Variants in HAPLN2 observed in about 807,000 individuals in gnomAD.
HAPLN2 encodes brain link protein-1.
Under a neutral mutation model 29.3 loss-of-function variants are expected in HAPLN2, and 27 were observed. The observed-to-expected ratio is 0.92, with a 90% CI of 0.68 to 1.27. HAPLN2 has a LOEUF of 1.27. HAPLN2 is among the 50% of genes most tolerant of loss of function. The probability of loss-of-function intolerance (pLI) is 0.00; values close to 1 mark genes in which losing one functional copy is unlikely to be tolerated. For missense variants in HAPLN2, 454 were observed against 484.3 expected (o/e 0.94, Z 0.59); for synonymous variants, 208 against 211.7 (o/e 0.98, Z 0.15).
intron 2 of HAPLN2, among the ~76,000 whole-genome samples, chr1:156,622,952 T>C (rs998003191): frequency 1.3e-5 from 2 of 151,170 alleles, no homozygotes; most frequent in Non-Finnish European, 2.9e-5. Flanking sequence ...GAGGATCACC[T>C]GGAGCTGGAA....
At chr1:156,624,547 T>A in intron 5 of HAPLN2, 54 bp from the exon 6 acceptor site, 5 of 1,603,100 alleles carry the variant, frequency 3.1e-6, no homozygotes, top group Non-Finnish European at 4.3e-6. Context: ...GCGAGCTCAG[T>A]CTGGCTCCTG....
the HAPLN2 span, chr1:156,601,554 A>G: frequency 2.4e-6 from 3 of 1,273,422 alleles, no homozygotes; most frequent in South Asian, 1.3e-5. Context: ...TTTCCAGGAG[A>G]AACCATTGCG....
In HAPLN2 at chr1:156,625,248, C is replaced by T; in HGVS notation, c.887C>T (p.Ala296Val). ...GACCAGTGCGACGGCGGCTGGCTGG[C>T]TGACGGCAGTGTGCGCTTCCCAATC... ...GLDQCDGGWL[A>V]DGSVRFPITT... Residue 296 changes from alanine (A) to valine (V), a missense_variant, in exon 7 of 7, where the codon GCT (alanine) becomes GTT (valine). Around this residue, in one of 3 missense-constraint regions of HAPLN2, gnomAD observed 235 missense variants for 236.9 expected, o/e 0.99. Transcript: ENST00000255039. The surrounding 1 kb of genome is among the most constrained non-coding windows in gnomAD (Gnocchi z 5.7). 1.3e-6 allele frequency: 2 copies of T among 1,573,736 alleles called. No individual in the cohort carries two copies. The highest frequency in any genetic ancestry group is 1.7e-6 in the Non-Finnish European group (2 of 1,160,784).
chr1:156,620,674 T>C (rs4661054), intron 2 of HAPLN2, among the ~76,000 whole-genome samples: 13 of 152,232 alleles, frequency 8.5e-5, no homozygotes, highest in South Asian at 2.1e-4. Flanking sequence ...GGTCCTCATT[T>C]GCAGAAAGAT....
intron 2 of HAPLN2, among the ~76,000 whole-genome samples, chr1:156,622,624 T>C (rs1024214715): frequency 4.6e-5 from 7 of 152,014 alleles, no homozygotes; most frequent in African/African-American, 1.7e-4. Flanking sequence ...AAATCCAGCA[T>C]GTCAGGGGAA....
the HAPLN2 span, among the ~76,000 whole-genome samples, chr1:156,601,925 T>C: frequency 6.6e-6 from 1 of 151,554 alleles, no homozygotes; most frequent in Non-Finnish European, 1.5e-5. Context: ...TCTCAATAGG[T>C]TCATCAAGCA....
chr1:156,623,544 C>A lies in HAPLN2; in HGVS notation c.54C>A (p.Phe18Leu). Residue 18 changes from phenylalanine (F) to leucine (L), a missense_variant, in exon 3 of 7, where the codon TTC becomes TTA. By Grantham distance (22) the Phe-to-Leu change is conservative (BLOSUM62 0). Around this residue, in one of 3 missense-constraint regions of HAPLN2, gnomAD observed 204 missense variants for 209.2 expected, o/e 0.98. Coordinates refer to ENST00000255039, the MANE Select transcript of HAPLN2 (RefSeq NM_021817.3). ...PTLCRFLLWA[F>L]TIFHKAQGDP... Reference sequence around the variant, plus strand: ...TCTGCCGCTTCCTTCTTTGGGCCTTCACCATCTTCCACAAAGCCCAAGGAG... The same window carrying A: ...TCTGCCGCTTCCTTCTTTGGGCCTTAACCATCTTCCACAAAGCCCAAGGAG... The A allele has an allele frequency of 6.2e-7, 1 of 1,614,166 alleles. No individual in the cohort carries two copies. The highest frequency in any genetic ancestry group is 8.5e-7 in the Non-Finnish European group (1 of 1,180,026).
At chr1:156,621,102 ATTTTT>A (rs10653107) in intron 2 of HAPLN2, among the ~76,000 whole-genome samples, 8 of 126,086 alleles carry the variant, frequency 6.3e-5, no homozygotes, top group Non-Finnish European at 3.2e-5. Flanking sequence ...AGAAGTCTTC[ATTTTT>A]TTTTTTTTTT....
chr1:156,604,266 A>G, the HAPLN2 span, among the ~76,000 whole-genome samples: 1 of 151,828 alleles, frequency 6.6e-6, no homozygotes, highest in East Asian at 1.9e-4. Context: ...ACTAATGTGT[A>G]GTCTTCAACA....
rs895049572 is a variant in HAPLN2 at position 156,624,889 on chromosome 1, A to G, written c.739+106A>G. On this transcript the variant is annotated intron_variant, in intron 6 of 6. Coordinates refer to ENST00000255039, the MANE Select transcript of HAPLN2 (RefSeq NM_021817.3). ...CAGGGCAGGGTCTCCGGGTCCCTCC[A>G]AGGCACCGCCCCCCCATCAGCCCGC... 81 of 1,333,702 alleles carry G rather than the reference A, an allele frequency of 6.1e-5. 1 individual carries two copies. Among genetic ancestry groups the G allele is most frequent in the Non-Finnish European group, 7.6e-5 (77 of 1,008,226 alleles). 82.6% of individuals were successfully genotyped at this position (1,333,702 alleles called of 1,614,324 possible). A position where few individuals can be genotyped will look rare whatever the true frequency, so the allele number is the denominator to read the frequency against.
Position 156,625,588 on chromosome 1 carries a change from A to T in HAPLN2, c.*204A>T. On this transcript the variant is annotated 3_prime_UTR_variant, in exon 7 of 7. Transcript: ENST00000255039. The surrounding 1 kb of genome is among the most constrained non-coding windows in gnomAD (Gnocchi z 5.7). ...GGAGGCGGGGGCGCCTCCGGCGGCG[A>T]GATGCAGAGGTGACCCTCGGACCCG... 1 of 533,526 alleles carries T rather than the reference A, an allele frequency of 1.9e-6. No homozygotes were observed. The highest frequency in any genetic ancestry group is 3.2e-6 in the Non-Finnish European group (1 of 315,746). The allele number at this position is 533,526 out of a possible 1,614,324, so 33.0% of individuals were successfully genotyped here.
chr1:156,612,235 G>C, the HAPLN2 span, among the ~76,000 whole-genome samples: 1 of 152,142 alleles, frequency 6.6e-6, no homozygotes, highest in Non-Finnish European at 1.5e-5. Flanking sequence ...TGTTGGCCAG[G>C]CTGGTCTTGA....
the HAPLN2 span, among the ~76,000 whole-genome samples, chr1:156,605,714 G>T: frequency 0.32 from 48,407 of 151,710 alleles, 8,129 homozygotes; most frequent in South Asian, 0.58. Flanking sequence ...CAAAGCTACA[G>T]ACTGTGGGGT....
chr1:156,612,487 C>T, the HAPLN2 span, among the ~76,000 whole-genome samples: 1 of 152,136 alleles, frequency 6.6e-6, no homozygotes, highest in Non-Finnish European at 1.5e-5. Flanking sequence ...CTCCTGGGTT[C>T]AAGCAATTCT....
chr1:156,623,836 C>A lies in HAPLN2; in HGVS notation c.115C>A (p.Pro39Thr). The A allele has an allele frequency of 6.5e-7, 1 of 1,537,992 alleles. No homozygotes were observed. ...ASHPGPHYLLPPIHEVIHSHR... is the reference protein window; with the variant it reads ...ASHPGPHYLLTPIHEVIHSHR... Reference sequence around the variant, plus strand: ...CCACCCGGGCCCCCACTACCTCCTGCCCCCCATCCACGAGGTCATTCACTC... The same window carrying A: ...CCACCCGGGCCCCCACTACCTCCTGACCCCCATCCACGAGGTCATTCACTC... Residue 39 changes from proline (P) to threonine (T), a missense_variant, in exon 4 of 7, where the codon CCC (proline) becomes ACC (threonine). Around this residue, in one of 3 missense-constraint regions of HAPLN2, gnomAD observed 204 missense variants for 209.2 expected, o/e 0.98. Coordinates refer to ENST00000255039, the MANE Select transcript of HAPLN2 (RefSeq NM_021817.3).
the HAPLN2 span, among the ~76,000 whole-genome samples, chr1:156,614,228 CTTTT>C: frequency 7.0e-6 from 1 of 143,654 alleles, no homozygotes; most frequent in Non-Finnish European, 1.5e-5. Context: ...TTGGGGTTCA[CTTTT>C]TTTTTTTTTT....
Position 156,623,472 on chromosome 1 carries a change from G to T in HAPLN2, c.-19G>T. ...CCACTCTTTGTGCCCTGCAGACGGT[G>T]CCGGGCTGACCCCCCATCATGCCAG... is the stretch of plus-strand genomic sequence containing the variant. On this transcript the variant is annotated 5_prime_UTR_variant, in exon 3 of 7. Coordinates refer to ENST00000255039, the MANE Select transcript of HAPLN2 (RefSeq NM_021817.3). 1.5e-5 allele frequency: 24 copies of T among 1,613,614 alleles called. No homozygotes were observed. The highest frequency in any genetic ancestry group is 1.9e-5 in the Non-Finnish European group (22 of 1,179,870).
the HAPLN2 span, among the ~76,000 whole-genome samples, chr1:156,606,646 C>A: frequency 1.3e-5 from 2 of 151,782 alleles, no homozygotes; most frequent in Admixed American, 6.6e-5. Context: ...CCATACCTGG[C>A]TAATTTTTGT....
chr1:156,608,527 TCTTTCTTCCTTC>T, the HAPLN2 span, among the ~76,000 whole-genome samples: 4 of 151,826 alleles, frequency 2.6e-5, no homozygotes, highest in Admixed American at 1.3e-4. Flanking sequence ...TTCTTTCCTT[TCTTTCTTCCTTC>T]CTTTCCTTAC....
Sources: gnomAD v4.1 joint callset for allele counts (sites outside exome capture counted in the v4.1 genomes callset) on GRCh38, gnomAD v4.1.1 for gene constraint, gnomAD v4.1.1 regional missense constraint, Gnocchi (gnomAD v3.1) non-coding constraint, MANE v1.5 for transcripts, NCBI Gene and HGNC (gene_info 2026-07-23, HGNC 2026-07-21) for gene names.